AGAP1: variants seen among roughly 807,000 people sequenced by gnomAD.
The protein encoded by AGAP1 is arf-GAP with GTPase, ANK repeat and PH domain-containing protein 1.
A neutral mutation model predicts 105.3 loss-of-function variants in AGAP1; 29 were observed. That is an observed-to-expected ratio of 0.28 (90% CI 0.21 to 0.38). The LOEUF (loss-of-function observed/expected upper bound fraction) is 0.38, where lower values mean the gene tolerates loss of function less well. Ranked by LOEUF, AGAP1 falls within the 10% of genes least tolerant of loss-of-function variation. The probability of loss-of-function intolerance (pLI) is 1.00; values close to 1 mark genes in which losing one functional copy is unlikely to be tolerated. For synonymous variants in AGAP1, 509 were observed against 485.9 expected (o/e 1.05, Z -0.63); for missense variants, 998 against 1,165.1 (o/e 0.86, Z 2.09).
intron 1 of AGAP1, among the ~76,000 whole-genome samples, chr2:235,681,887 G>A (rs1171972055): frequency 8.5e-6 from 1 of 117,654 alleles, no homozygotes; most frequent in Non-Finnish European, 1.6e-5. Flanking sequence ...GTCTCACTCC[G>A]TCACGCAGGC....
In AGAP1 at chr2:235,709,183, C is replaced by G. The variant is rs183616934; in HGVS notation, c.168C>G (p.Ala56=). 1 of 1,614,064 alleles carries G rather than the reference C, an allele frequency of 6.2e-7. No homozygotes were observed. Among genetic ancestry groups the G allele is most frequent in the Non-Finnish European group, 8.5e-7 (1 of 1,180,008 alleles). ...IREHVIAIED[A]FVNSQEWTLS... is the part of the protein sequence containing the mutation. ...TTGTGTCCTCCTCTTTTTCAGATGCCTTCGTGAACAGCCAGGAATGGACGC... is the reference window on the plus strand; with the variant it reads ...TTGTGTCCTCCTCTTTTTCAGATGCGTTCGTGAACAGCCAGGAATGGACGC... Residue 56 remains alanine (A), a synonymous_variant, in exon 2 of 18, where the codon GCC becomes GCG. Coordinates refer to ENST00000304032, the MANE Select transcript of AGAP1 (RefSeq NM_001037131.3).
intron 13 of AGAP1, among the ~76,000 whole-genome samples, chr2:236,032,445 G>A (rs2057252194): frequency 6.6e-6 from 1 of 152,164 alleles, no homozygotes; most frequent in Non-Finnish European, 1.5e-5. Flanking sequence ...CAAGATGGTG[G>A]TGCCCATCAG....
intron 1 of AGAP1, among the ~76,000 whole-genome samples, chr2:235,563,737 A>G (rs897568139): frequency 3.3e-5 from 5 of 152,162 alleles, no homozygotes; most frequent in African/African-American, 9.7e-5. Context: ...GGGCCTCTGC[A>G]TGGAGAGAGA....
At chr2:235,651,184 CAAAAAAAAAAAAAAAAAAA>C (rs55990003) in intron 1 of AGAP1, among the ~76,000 whole-genome samples, 7 of 54,156 alleles carry the variant, frequency 1.3e-4, no homozygotes, top group South Asian at 3.6e-3. Flanking sequence ...AACTCCATCT[CAAAAAAAAAAAAAAAAAAA>C]AAAAAAAAAA....
At chr2:235,955,685 T>A (rs897397945) in intron 12 of AGAP1, among the ~76,000 whole-genome samples, 3 of 152,198 alleles carry the variant, frequency 2.0e-5, no homozygotes, top group African/African-American at 7.2e-5. Context: ...CCAAATTGCC[T>A]CTTTTTTAAG....
At chr2:235,708,928 C>T (rs1042155597) in intron 1 of AGAP1, among the ~76,000 whole-genome samples, 1 of 152,172 alleles carries the variant, frequency 6.6e-6, no homozygotes, top group Non-Finnish European at 1.5e-5. Context: ...GTTCGATTTT[C>T]AGTAACTTTT....
chr2:235,709,558 GATT>G (rs1388093351), intron 2 of AGAP1, among the ~76,000 whole-genome samples: 32 of 151,562 alleles, frequency 2.1e-4, no homozygotes, highest in Non-Finnish European at 4.1e-4. Flanking sequence ...CCCATGGGTT[GATT>G]TGTCCTTTGC....
chr2:235,894,210 A>G (rs566900093), intron 10 of AGAP1, among the ~76,000 whole-genome samples: 1 of 152,204 alleles, frequency 6.6e-6, no homozygotes, highest in Non-Finnish European at 1.5e-5. Flanking sequence ...CGCAACGGGT[A>G]TTTCTGCAAG....
chr2:235,818,904 A>T (rs559262091), intron 9 of AGAP1, among the ~76,000 whole-genome samples: 25 of 152,090 alleles, frequency 1.6e-4, no homozygotes, highest in Non-Finnish European at 3.2e-4. Context: ...AAGATCAAGC[A>T]TCAAGTACAC....
chr2:236,064,287 G>C lies in AGAP1; in HGVS notation c.2114+15006G>C, dbSNP rs552771238. On this transcript the variant is annotated intron_variant, in intron 16 of 17. Coordinates refer to ENST00000304032, the MANE Select transcript of AGAP1 (RefSeq NM_001037131.3). ...TTTCAGCCTCAAATGCTAAAGCCCA[G>C]GACACTCCTACACGTGAAAATTTGC... 1.2e-3 allele frequency among the ~76,000 whole-genome samples: 189 copies of C among 152,224 alleles called. 1 individual carries two copies. The highest frequency in any genetic ancestry group is 7.9e-3 in the South Asian group (38 of 4,806).
intron 16 of AGAP1, among the ~76,000 whole-genome samples, chr2:236,077,233 G>A (rs2058665042): frequency 6.8e-6 from 1 of 148,002 alleles, no homozygotes; most frequent in Non-Finnish European, 1.5e-5. Context: ...TGCAACATTT[G>A]TGAAAAGAAA....
chr2:235,620,169 T>C lies in AGAP1; in HGVS notation c.164-89010T>C, dbSNP rs968950924. Among the ~76,000 whole-genome samples, 1 of 152,126 alleles carries C rather than the reference T, an allele frequency of 6.6e-6. No individual in the cohort carries two copies. The highest frequency in any genetic ancestry group is 1.5e-5 in the Non-Finnish European group (1 of 68,026). ...ATGGATGCTGACAATAGAACTACTT[T>C]CCAGAAATCAGCAAATGCTGGGCTG... On this transcript the variant is annotated intron_variant, in intron 1 of 17. Transcript: ENST00000304032. This position sits in a 1 kb window ranked among gnomAD's most constrained non-coding sequence, Gnocchi z 4.5.
chr2:236,096,690 T>A lies in AGAP1; in HGVS notation c.2115-23502T>A, dbSNP rs1437564458. Among the ~76,000 whole-genome samples the A allele has an allele frequency of 1.3e-5, 2 of 151,974 alleles. No individual in the cohort carries two copies. Among genetic ancestry groups the A allele is most frequent in the Non-Finnish European group, 1.5e-5 (1 of 67,988 alleles). Reference sequence around the variant, plus strand: ...GCCTCCCCGGTTCAAGTGATTCTTCTGCCTCGGCCTCCTGAGTAGCTGGGA... The same window carrying A: ...GCCTCCCCGGTTCAAGTGATTCTTCAGCCTCGGCCTCCTGAGTAGCTGGGA... On this transcript the variant is annotated intron_variant, in intron 16 of 17. Transcript: ENST00000304032. The surrounding 1 kb of genome is among the most constrained non-coding windows in gnomAD (Gnocchi z 4.4).
intron 8 of AGAP1, among the ~76,000 whole-genome samples, chr2:235,803,611 A>G (rs1405364079): frequency 6.6e-6 from 1 of 152,216 alleles, no homozygotes; most frequent in Non-Finnish European, 1.5e-5. Context: ...TAAGTAATGC[A>G]TGTATCATTT....
intron 1 of AGAP1, among the ~76,000 whole-genome samples, chr2:235,588,673 C>T (rs541066308): frequency 4.6e-5 from 7 of 152,146 alleles, no homozygotes; most frequent in East Asian, 1.9e-4. Flanking sequence ...GTTAAATTCA[C>T]GGAGTAACAC....
At chr2:235,648,131 G>GT (rs1559312881) in intron 1 of AGAP1, among the ~76,000 whole-genome samples, 1 of 151,884 alleles carries the variant, frequency 6.6e-6, no homozygotes, top group Non-Finnish European at 1.5e-5. Flanking sequence ...GAGACTGACT[G>GT]GGGGGTGTCC....
rs2054056060 is a variant in AGAP1 at position 235,958,772 on chromosome 2, G to T, written c.1484-9690G>T. On this transcript the variant is annotated intron_variant, in intron 12 of 17. Transcript: ENST00000304032. This position sits in a 1 kb window ranked among gnomAD's most constrained non-coding sequence, Gnocchi z 4.1. ...CTAAGAATACATTCCTGGCCCATCAGTCTCAAGCAGGCTGCTTGATATTTA... is the reference window on the plus strand; with the variant it reads ...CTAAGAATACATTCCTGGCCCATCATTCTCAAGCAGGCTGCTTGATATTTA... 6.6e-6 allele frequency among the ~76,000 whole-genome samples: 1 copy of T among 152,196 alleles called. No individual in the cohort carries two copies. Among genetic ancestry groups the T allele is most frequent in the Admixed American group, 6.5e-5 (1 of 15,288 alleles).
intron 13 of AGAP1, among the ~76,000 whole-genome samples, chr2:236,034,800 G>C (rs997895960): frequency 6.6e-6 from 1 of 152,216 alleles, no homozygotes; most frequent in African/African-American, 2.4e-5. Context: ...CCCAGAATAT[G>C]CCCAGGGCAC....
At chr2:235,897,695 T>C (rs1448948063) in intron 10 of AGAP1, among the ~76,000 whole-genome samples, 1 of 152,188 alleles carries the variant, frequency 6.6e-6, no homozygotes, top group Non-Finnish European at 1.5e-5. Context: ...CCCTCTGGTT[T>C]CCTCAGCAAC....
Sources: allele counts gnomAD v4.1 joint callset (sites outside exome capture counted in the v4.1 genomes callset), GRCh38; gene constraint gnomAD v4.1.1; non-coding constraint Gnocchi (gnomAD v3.1); transcripts MANE v1.5; gene names NCBI Gene and HGNC (gene_info 2026-07-23, HGNC 2026-07-21).